Variants in SUGCT observed in about 807,000 individuals in gnomAD.
The protein encoded by SUGCT is succinyl-CoA:glutarate CoA-transferase.
Under a neutral mutation model 55.0 loss-of-function variants are expected in SUGCT, and 41 were observed. The ratio of observed to expected loss-of-function variants is 0.74; its 90% CI spans 0.58 to 0.97. The LOEUF is 0.97. Among genes scored for constraint, SUGCT ranks in the 50% least tolerant of loss-of-function variants. SUGCT has a pLI of 0.00. For missense variants in SUGCT, 568 were observed against 547.8 expected, an observed-to-expected ratio of 1.04 and a Z score of -0.37; for synonymous variants, 187 against 200.4, an observed-to-expected ratio of 0.93 and a Z score of 0.56.
chr7:40,248,088 T>C (rs1790035593), intron 7 of SUGCT, among the ~76,000 whole-genome samples: 1 of 151,016 alleles, frequency 6.6e-6, no homozygotes, highest in African/African-American at 2.4e-5. Context: ...CTCGGCTCAC[T>C]GTAACCTCTG....
chr7:40,632,954 C>T (rs928312429), intron 12 of SUGCT, among the ~76,000 whole-genome samples: 2 of 152,118 alleles, frequency 1.3e-5, no homozygotes, highest in African/African-American at 4.8e-5. Flanking sequence ...AAATAAAAGT[C>T]AAGCCATGTT....
chr7:40,685,550 C>G (rs1784428617), intron 12 of SUGCT, among the ~76,000 whole-genome samples: 1 of 152,180 alleles, frequency 6.6e-6, no homozygotes, highest in Non-Finnish European at 1.5e-5. Flanking sequence ...AGATGCCAGT[C>G]CTATTCTACC....
the SUGCT span, among the ~76,000 whole-genome samples, chr7:40,901,113 C>CT: frequency 1.3e-3 from 191 of 152,266 alleles, 1 homozygote; most frequent in African/African-American, 4.4e-3. Context: ...CTTTGAGAAG[C>CT]TTAAGTCCAT....
the SUGCT span, among the ~76,000 whole-genome samples, chr7:41,028,974 C>T: frequency 0.026 from 4,012 of 152,250 alleles, 185 homozygotes; most frequent in South Asian, 0.18. Context: ...CAGAGAAGAG[C>T]TTTAGGGAAC....
At chr7:40,673,319 C>G (rs1349492016) in intron 12 of SUGCT, among the ~76,000 whole-genome samples, 1 of 152,134 alleles carries the variant, frequency 6.6e-6, no homozygotes, top group African/African-American at 2.4e-5. Context: ...GTCTGTTACT[C>G]TCACCAACAT....
At chr7:40,528,408 T>G (rs1793915420) in intron 12 of SUGCT, among the ~76,000 whole-genome samples, 1 of 152,186 alleles carries the variant, frequency 6.6e-6, no homozygotes, top group Admixed American at 6.5e-5. Flanking sequence ...ATATGTGATA[T>G]TTTGGTCATA....
At chr7:40,883,937 T>G in the SUGCT span, among the ~76,000 whole-genome samples, 1 of 152,118 alleles carries the variant, frequency 6.6e-6, no homozygotes, top group Non-Finnish European at 1.5e-5. Context: ...TTCCATAAGC[T>G]TAAATCACAG....
intron 8 of SUGCT, among the ~76,000 whole-genome samples, chr7:40,315,125 A>T (rs1018450380): frequency 1.3e-5 from 2 of 152,172 alleles, no homozygotes; most frequent in Admixed American, 6.5e-5. Flanking sequence ...AAAAAATTTG[A>T]AAACCTTTGG....
At chr7:40,225,083 TGAAACAATTGCCA>T (rs1349806175) in intron 6 of SUGCT, among the ~76,000 whole-genome samples, 1 of 152,200 alleles carries the variant, frequency 6.6e-6, no homozygotes. Flanking sequence ...CGTATGCATA[TGAAACAATTGCCA>T]GACAAAACAT....
intron 6 of SUGCT, among the ~76,000 whole-genome samples, chr7:40,195,492 A>G (rs1486567466): frequency 6.6e-6 from 1 of 151,990 alleles, no homozygotes; most frequent in Non-Finnish European, 1.5e-5. Context: ...AAGTGCTGGG[A>G]TTACAGGCGT....
At chr7:41,027,212 C>G in the SUGCT span, among the ~76,000 whole-genome samples, 5 of 152,128 alleles carry the variant, frequency 3.3e-5, no homozygotes, top group African/African-American at 9.7e-5. Flanking sequence ...CTAAAACCTC[C>G]CATCCTCACC....
In SUGCT at chr7:40,494,146, A is replaced by G. The variant is rs1256564821; in HGVS notation, c.987-2138A>G. On this transcript the variant is annotated intron_variant, in intron 11 of 13. Coordinates refer to ENST00000335693, the MANE Select transcript of SUGCT (RefSeq NM_001193313.2). ...GTTTTCTGTTGGCTAACCTGCAGCC[A>G]TGGGTTGTTTGGATATTGACATGCA... 3.3e-5 allele frequency among the ~76,000 whole-genome samples: 5 copies of G among 152,202 alleles called. No individual in the cohort carries two copies. The East Asian group carries it at 9.6e-4, about 29-fold the overall frequency.
intron 9 of SUGCT, among the ~76,000 whole-genome samples, chr7:40,317,375 G>A (rs970371024): frequency 6.6e-6 from 1 of 152,104 alleles, no homozygotes; most frequent in Non-Finnish European, 1.5e-5. Flanking sequence ...CTTGACTTTG[G>A]CTAGTGTAAA....
At chr7:40,772,334 C>A (rs1255888338) in intron 13 of SUGCT, among the ~76,000 whole-genome samples, 3 of 151,896 alleles carry the variant, frequency 2.0e-5, no homozygotes, top group African/African-American at 7.3e-5. Context: ...AGCCTTTATT[C>A]TTTGGAGGAG....
At chr7:40,675,402 A>G (rs114429690) in intron 12 of SUGCT, among the ~76,000 whole-genome samples, 28 of 152,356 alleles carry the variant, frequency 1.8e-4, no homozygotes, top group African/African-American at 6.0e-4. Flanking sequence ...TGTATAAAAT[A>G]TATGTTGCCT....
chr7:40,905,545 AC>A, the SUGCT span, among the ~76,000 whole-genome samples: 1 of 152,150 alleles, frequency 6.6e-6, no homozygotes, highest in Non-Finnish European at 1.5e-5. Flanking sequence ...TTTATTTTCT[AC>A]ATTTCCCTCT....
intron 13 of SUGCT, among the ~76,000 whole-genome samples, chr7:40,842,562 G>C (rs533511313): frequency 6.6e-6 from 1 of 152,268 alleles, no homozygotes; most frequent in South Asian, 2.1e-4. Context: ...TTCTGAAAAT[G>C]TAGAAACTCT....
intron 12 of SUGCT, among the ~76,000 whole-genome samples, chr7:40,723,616 A>G (rs1786463641): frequency 6.6e-6 from 1 of 152,138 alleles, no homozygotes; most frequent in Non-Finnish European, 1.5e-5. Context: ...AATTCCTTCT[A>G]ATGGACTCCT....
intron 9 of SUGCT, among the ~76,000 whole-genome samples, chr7:40,356,168 C>T (rs1458086255): frequency 1.3e-5 from 2 of 152,200 alleles, no homozygotes; most frequent in East Asian, 3.8e-4. Context: ...GTTTTATCTT[C>T]TGACAGCGCA....
Sources: gnomAD v4.1 joint callset for allele counts (sites outside exome capture counted in the v4.1 genomes callset) on GRCh38, gnomAD v4.1.1 for gene constraint, MANE v1.5 for transcripts, NCBI Gene and HGNC (gene_info 2026-07-23, HGNC 2026-07-21) for gene names.